The following KCNMA1 variants were observed in gnomAD, a reference collection of about 807,000 sequenced individuals.
The protein encoded by KCNMA1 is potassium calcium-activated channel subfamily M alpha 1, also known as Calcium-activated potassium channel subunit alpha-1.
A neutral mutation model predicts 140.0 loss-of-function variants in KCNMA1; 29 were observed. That is an observed-to-expected ratio of 0.21 (90% CI 0.15 to 0.28). KCNMA1 has a LOEUF of 0.28. KCNMA1 is among the 10% of genes least tolerant of loss of function. The pLI, the probability that KCNMA1 is intolerant of heterozygous loss-of-function variation, is 1.00. For synonymous variants in KCNMA1, 612 were observed against 611.9 expected (o/e 1.00, Z 0.00); for missense variants, 880 against 1,602.2 (o/e 0.55, Z 7.70).
At chr10:77,128,393 A>AT (rs11298052) in intron 5 of KCNMA1, among the ~76,000 whole-genome samples, 14,464 of 125,896 alleles carry the variant, frequency 0.11, 1,951 homozygotes, top group East Asian at 0.7. Context: ...CATATAGATA[A>AT]TTTTTTTTTT....
chr10:77,080,427 C>A (rs750607592), intron 12 of KCNMA1, among the ~76,000 whole-genome samples: 6 of 152,190 alleles, frequency 3.9e-5, no homozygotes, highest in Non-Finnish European at 8.8e-5. Context: ...TAAAAACCTT[C>A]ATGGGCTAAG....
At chr10:77,432,186 A>G (rs74140157) in intron 1 of KCNMA1, among the ~76,000 whole-genome samples, 4,243 of 152,276 alleles carry the variant, frequency 0.028, 195 homozygotes, top group African/African-American at 0.096. Context: ...GCTTAATGAG[A>G]GGCCAAAGGG....
At chr10:76,991,386 T>C (rs1339427004) in intron 19 of KCNMA1, among the ~76,000 whole-genome samples, 3 of 152,250 alleles carry the variant, frequency 2.0e-5, no homozygotes, top group Non-Finnish European at 4.4e-5. Context: ...TAATTTATCC[T>C]TCACAAAGAA....
At chr10:77,294,905 C>G (rs922586534) in intron 2 of KCNMA1, among the ~76,000 whole-genome samples, 1 of 150,614 alleles carries the variant, frequency 6.6e-6, no homozygotes, top group Non-Finnish European at 1.5e-5. Context: ...GACAACAGAG[C>G]AAGACTCTGT....
intron 3 of KCNMA1, among the ~76,000 whole-genome samples, chr10:77,195,715 G>A (rs936270400): frequency 2.6e-5 from 4 of 152,094 alleles, no homozygotes; most frequent in South Asian, 2.1e-4. Context: ...TTGGGAGGCC[G>A]AGGCAGGTGG....
chr10:77,609,791 C>T (rs932533535), intron 1 of KCNMA1, among the ~76,000 whole-genome samples: 1 of 151,840 alleles, frequency 6.6e-6, no homozygotes, highest in Non-Finnish European at 1.5e-5. Context: ...CTCAGGCCTG[C>T]GTCAGGAACA....
chr10:77,161,571 C>T (rs906494961), intron 5 of KCNMA1, among the ~76,000 whole-genome samples: 1 of 152,158 alleles, frequency 6.6e-6, no homozygotes, highest in Non-Finnish European at 1.5e-5. Context: ...TACTGCATTG[C>T]ACCAGCCAGA....
At chr10:77,014,126 A>C (rs761223895) in intron 17 of KCNMA1, among the ~76,000 whole-genome samples, 5 of 152,180 alleles carry the variant, frequency 3.3e-5, no homozygotes, top group Admixed American at 6.5e-5. Context: ...TGTGGTACGA[A>C]CACTTAAAAT....
chr10:76,934,024 G>A (rs1181687187), intron 23 of KCNMA1, among the ~76,000 whole-genome samples: 3 of 152,054 alleles, frequency 2.0e-5, no homozygotes, highest in Admixed American at 1.3e-4. Flanking sequence ...CCAGGCTGGA[G>A]GGCAATGGCG....
intron 2 of KCNMA1, among the ~76,000 whole-genome samples, chr10:77,347,920 C>T (rs886162221): frequency 2.6e-5 from 4 of 152,014 alleles, no homozygotes; most frequent in African/African-American, 9.7e-5. Flanking sequence ...TTTTATTATC[C>T]CCTTTTACAG....
At chr10:77,019,138 GT>G in intron 16 of KCNMA1, 39 bp from the exon 17 acceptor site, 1 of 1,087,508 alleles carries the variant, frequency 9.2e-7, no homozygotes, top group Non-Finnish European at 1.4e-6. Flanking sequence ...AGATACATTT[GT>G]GAGGTCATGT....
At chr10:77,434,274 A>G (rs2097209973) in intron 1 of KCNMA1, among the ~76,000 whole-genome samples, 1 of 152,232 alleles carries the variant, frequency 6.6e-6, no homozygotes, top group South Asian at 2.1e-4. Flanking sequence ...CTGCTTGAAA[A>G]TCAGACTGCA....
intron 19 of KCNMA1, chr10:76,995,638 A>G: frequency 4.2e-6 from 2 of 471,056 alleles, no homozygotes; most frequent in Non-Finnish European, 4.4e-6. Flanking sequence ...GCCCTCCACC[A>G]TGGAGGTAAG....
At chr10:76,900,472 TA>T (rs1245580338) in intron 25 of KCNMA1, among the ~76,000 whole-genome samples, 1 of 152,068 alleles carries the variant, frequency 6.6e-6, no homozygotes, top group Non-Finnish European at 1.5e-5. Context: ...TTTTTTCCTA[TA>T]ATTTTATTTT....
intron 19 of KCNMA1, chr10:76,977,445 A>G: frequency 4.5e-6 from 3 of 660,256 alleles, no homozygotes; most frequent in Admixed American, 4.4e-5. Context: ...TTGTTGGTTT[A>G]CCAGCCATCC....
intron 8 of KCNMA1, among the ~76,000 whole-genome samples, chr10:77,109,467 T>A (rs1354006047): frequency 2.0e-5 from 3 of 152,208 alleles, no homozygotes; most frequent in African/African-American, 7.2e-5. Flanking sequence ...ACTGCCAACG[T>A]GTGGCCAGAA....
intron 2 of KCNMA1, among the ~76,000 whole-genome samples, chr10:77,368,620 C>A (rs938774672): frequency 1.3e-5 from 2 of 152,164 alleles, no homozygotes; most frequent in African/African-American, 4.8e-5. Flanking sequence ...AAGTTCAGAT[C>A]AGAAAGATTT....
At chr10:77,224,951 C>T (rs533533644) in intron 3 of KCNMA1, among the ~76,000 whole-genome samples, 1 of 152,340 alleles carries the variant, frequency 6.6e-6, no homozygotes, top group South Asian at 2.1e-4. Flanking sequence ...TGTCAGATAC[C>T]ATGTGAGACC....
chr10:77,425,009 G>A (rs1270476897), intron 1 of KCNMA1, among the ~76,000 whole-genome samples: 4 of 152,184 alleles, frequency 2.6e-5, no homozygotes, highest in Non-Finnish European at 5.9e-5. Flanking sequence ...CTGGGCCTGG[G>A]CCAGGGCAGG....
Sources: gnomAD v4.1 joint callset for allele counts (sites outside exome capture counted in the v4.1 genomes callset) on GRCh38, gnomAD v4.1.1 for gene constraint, MANE v1.5 for transcripts, NCBI Gene and HGNC (gene_info 2026-07-23, HGNC 2026-07-21) for gene names.